MAPRE2: variants seen among roughly 807,000 people sequenced by gnomAD.
MAPRE2 encodes microtubule associated protein RP/EB family member 2, also known as microtubule-associated protein RP/EB family member 2.
Under a neutral mutation model 43.2 loss-of-function variants are expected in MAPRE2, and 13 were observed. The observed-to-expected ratio is 0.30, with a 90% CI of 0.20 to 0.48. The LOEUF is 0.48. Among genes scored for constraint, MAPRE2 ranks in the 20% least tolerant of loss-of-function variants. MAPRE2 has a pLI of 0.99. For missense variants in MAPRE2, 161 were observed against 400.2 expected (o/e 0.40, Z 5.10); for synonymous variants, 135 against 148.8 (o/e 0.91, Z 0.68).
chr18:35,070,046 T>C, intron 1 of MAPRE2, 149 bp from the exon 2 acceptor site: 1 of 476,818 alleles, frequency 2.1e-6, no homozygotes, highest in Non-Finnish European at 3.6e-6. Context: ...AATGCAAATA[T>C]GTAAAATAGA....
chr18:35,081,764 C>T (rs190404103), intron 2 of MAPRE2, among the ~76,000 whole-genome samples: 92 of 152,088 alleles, frequency 6.0e-4, no homozygotes, highest in Non-Finnish European at 7.6e-4. Flanking sequence ...GAGAAAGGGG[C>T]GCATTGTGTA....
chr18:35,039,857 A>G (rs756659608), upstream of MAPRE2, among the ~76,000 whole-genome samples: 3 of 152,212 alleles, frequency 2.0e-5, no homozygotes, highest in Admixed American at 6.5e-5. Flanking sequence ...TTACACCCCA[A>G]TTCTTCCCTT....
At chr18:35,085,021 A>C (rs975571336) in intron 2 of MAPRE2, among the ~76,000 whole-genome samples, 2 of 152,214 alleles carry the variant, frequency 1.3e-5, no homozygotes, top group African/African-American at 4.8e-5. Flanking sequence ...GCCTATGAAA[A>C]CAACAAAAAG....
At chr18:35,079,851 A>C (rs73946514) in intron 2 of MAPRE2, among the ~76,000 whole-genome samples, 3,938 of 152,336 alleles carry the variant, frequency 0.026, 82 homozygotes, top group African/African-American at 0.056. Flanking sequence ...AAAGAGGACG[A>C]AAGGACATTT....
chr18:35,054,728 G>T (rs550955417), intron 1 of MAPRE2, among the ~76,000 whole-genome samples: 24 of 152,170 alleles, frequency 1.6e-4, no homozygotes, highest in East Asian at 7.7e-4. Flanking sequence ...TGATTACTTG[G>T]TTTTTTTCCT....
intron 1 of MAPRE2, among the ~76,000 whole-genome samples, chr18:34,981,400 C>G (rs1460989775): frequency 6.6e-6 from 1 of 151,492 alleles, no homozygotes; most frequent in African/African-American, 2.4e-5. Context: ...AAAGACTAAT[C>G]GGATTACTCC....
intron 2 of MAPRE2, among the ~76,000 whole-genome samples, chr18:35,092,626 C>CA (rs897533278): frequency 6.6e-6 from 1 of 151,860 alleles, no homozygotes; most frequent in African/African-American, 2.4e-5. Context: ...TTATATCGAA[C>CA]AAAAAAACTC....
At chr18:35,023,530 T>C (rs934203245) in intron 2 of MAPRE2, among the ~76,000 whole-genome samples, 7 of 148,802 alleles carry the variant, frequency 4.7e-5, no homozygotes, top group African/African-American at 1.7e-4. Context: ...TATATATATA[T>C]ACATATATAT....
At chr18:35,105,356 A>G (rs1229757070) in intron 4 of MAPRE2, among the ~76,000 whole-genome samples, 1 of 152,120 alleles carries the variant, frequency 6.6e-6, no homozygotes, top group African/African-American at 2.4e-5. Context: ...CAGAAGTCAA[A>G]CTGCCATTCC....
rs34357641 is a variant in MAPRE2 at position 35,074,289 on chromosome 18, AT to A, written c.250+3976del. 2.6e-4 allele frequency among the ~76,000 whole-genome samples: 40 copies of A among 151,466 alleles called. 2 individuals are homozygous for A. Among genetic ancestry groups the A allele is most frequent in the Non-Finnish European group, 4.7e-4 (32 of 67,808 alleles). Reference sequence around the variant, plus strand: ...AGCTTGGGCAGGGGGGTGATAGGGAATTTTTTTTTCATTTTTTGCTTTAGTA... The same window carrying A: ...AGCTTGGGCAGGGGGGTGATAGGGAATTTTTTTTCATTTTTTGCTTTAGTA... On this transcript the variant is annotated intron_variant, in intron 2 of 6. Transcript: ENST00000300249.
chr18:35,128,470 A>G (rs1409189695), intron 5 of MAPRE2, among the ~76,000 whole-genome samples: 1 of 152,264 alleles, frequency 6.6e-6, no homozygotes, highest in Non-Finnish European at 1.5e-5. Context: ...TATTCAAAAT[A>G]AAAAATAGCA....
intron 4 of MAPRE2, among the ~76,000 whole-genome samples, chr18:35,113,291 C>T (rs1322736875): frequency 6.6e-6 from 1 of 152,188 alleles, no homozygotes; most frequent in African/African-American, 2.4e-5. Flanking sequence ...TAGGAATCTC[C>T]TGGCAGCGTC....
At chr18:35,053,014 A>C (rs200819784) in intron 1 of MAPRE2, among the ~76,000 whole-genome samples, 52,783 of 144,200 alleles carry the variant, frequency 0.37, 11,001 homozygotes, top group Non-Finnish European at 0.48. Context: ...CCCCCCACAC[A>C]CACACACAAA....
In MAPRE2 at chr18:35,140,305, CAG is replaced by C; in HGVS notation, c.922_923del (p.Glu308ArgfsTer27). 6.2e-7 allele frequency: 1 copy of C among 1,613,764 alleles called. No homozygotes were observed. Among genetic ancestry groups the C allele is most frequent in the South Asian group, 1.1e-5 (1 of 90,952 alleles). ...CTCCCCTGCCCACAGGAGGGCCACA[CAG>C]AAGAGCCGGAAGCAGAGGAGCAAGC... On this transcript the variant is annotated frameshift_variant, in exon 7 of 7. Coordinates refer to ENST00000300249, the MANE Select transcript of MAPRE2 (RefSeq NM_014268.4). LOFTEE classifies it high-confidence loss of function.
At chr18:35,074,984 T>TA (rs1170759555) in intron 2 of MAPRE2, among the ~76,000 whole-genome samples, 2 of 152,018 alleles carry the variant, frequency 1.3e-5, no homozygotes, top group Admixed American at 1.3e-4. Flanking sequence ...TGACTTGCTT[T>TA]AAAAAAAAGA....
chr18:35,003,360 G>T (rs1180018654), intron 1 of MAPRE2, among the ~76,000 whole-genome samples: 2 of 152,232 alleles, frequency 1.3e-5, no homozygotes, highest in Non-Finnish European at 2.9e-5. Flanking sequence ...TGGTCTGCCA[G>T]ACTCAATTAA....
At chr18:35,130,846 C>T (rs1910114257) in intron 5 of MAPRE2, among the ~76,000 whole-genome samples, 1 of 152,082 alleles carries the variant, frequency 6.6e-6, no homozygotes, top group African/African-American at 2.4e-5. Context: ...AGTCACAACC[C>T]CGTGAGGGTT....
intron 2 of MAPRE2, among the ~76,000 whole-genome samples, chr18:35,093,952 C>T (rs754050109): frequency 6.6e-6 from 1 of 152,180 alleles, no homozygotes; most frequent in African/African-American, 2.4e-5. Context: ...CTAACATCTC[C>T]CTGACTTATA....
At chr18:35,045,695 A>G (rs573925025) in intron 1 of MAPRE2, among the ~76,000 whole-genome samples, 1 of 152,344 alleles carries the variant, frequency 6.6e-6, no homozygotes, top group South Asian at 2.1e-4. Flanking sequence ...CACTTTTATC[A>G]GAACATAGGC....
Sources: allele counts gnomAD v4.1 joint callset (sites outside exome capture counted in the v4.1 genomes callset), GRCh38; gene constraint gnomAD v4.1.1; transcripts MANE v1.5; gene names NCBI Gene and HGNC (gene_info 2026-07-23, HGNC 2026-07-21).